Variants in TMCC1 observed in about 807,000 individuals in gnomAD.
TMCC1 encodes transmembrane and coiled-coil domain family 1.
In TMCC1, 15 loss-of-function variants were observed where a neutral mutation model predicts 52.4. That is an observed-to-expected ratio of 0.29 (90% CI 0.19 to 0.44). TMCC1 has a LOEUF of 0.44. TMCC1 is among the 20% of genes least tolerant of loss of function. The pLI is 1.00. For missense variants in TMCC1, 503 were observed against 806.0 expected (o/e 0.62, Z 4.55); for synonymous variants, 279 against 301.9 (o/e 0.92, Z 0.79).
At chr3:129,707,227 A>C (rs934416284) in intron 4 of TMCC1, among the ~76,000 whole-genome samples, 7 of 152,208 alleles carry the variant, frequency 4.6e-5, no homozygotes, top group Non-Finnish European at 7.3e-5. Context: ...GGGCTCAATA[A>C]ATATCTGTTG....
chr3:129,845,870 A>T (rs1434284515), intron 2 of TMCC1, among the ~76,000 whole-genome samples: 1 of 151,980 alleles, frequency 6.6e-6, no homozygotes, highest in Non-Finnish European at 1.5e-5. Flanking sequence ...TGTCTCTACA[A>T]AAAAAAATTT....
chr3:129,873,402 C>G (rs1243444550), intron 2 of TMCC1, among the ~76,000 whole-genome samples: 2 of 150,198 alleles, frequency 1.3e-5, no homozygotes, highest in Non-Finnish European at 3.0e-5. Context: ...CACAAGTTGG[C>G]CAGGTGTGGT....
At chr3:129,848,583 C>T (rs1419190880) in intron 2 of TMCC1, among the ~76,000 whole-genome samples, 1 of 152,206 alleles carries the variant, frequency 6.6e-6, no homozygotes, top group Non-Finnish European at 1.5e-5. Context: ...ACTGGCAAAA[C>T]CCCAATCCTG....
intron 4 of TMCC1, among the ~76,000 whole-genome samples, chr3:129,697,351 T>C (rs1008833561): frequency 2.0e-5 from 3 of 152,198 alleles, no homozygotes; most frequent in Non-Finnish European, 2.9e-5. Flanking sequence ...TGGCCCTTTT[T>C]AGTTAAGGGT....
chr3:129,883,128 A>G (rs1187611934), intron 1 of TMCC1, among the ~76,000 whole-genome samples: 1 of 134,378 alleles, frequency 7.4e-6, no homozygotes, highest in Non-Finnish European at 1.5e-5. Flanking sequence ...GCCTCTACTA[A>G]AAACACACAC....
intron 4 of TMCC1, among the ~76,000 whole-genome samples, chr3:129,713,615 C>T (rs2109001865): frequency 6.7e-6 from 1 of 149,700 alleles, no homozygotes. Context: ...ACTTGGAAGG[C>T]TGGAGGAGAA....
chr3:129,877,780 C>T (rs1036543766), intron 2 of TMCC1, among the ~76,000 whole-genome samples: 4 of 151,460 alleles, frequency 2.6e-5, no homozygotes, highest in Non-Finnish European at 1.5e-5. Context: ...AGGAATGTGC[C>T]ACCACGCACA....
intron 4 of TMCC1, among the ~76,000 whole-genome samples, chr3:129,780,389 TTC>T (rs1168147274): frequency 1.3e-5 from 2 of 152,004 alleles, no homozygotes; most frequent in Admixed American, 1.3e-4. Context: ...CATCTCTAAT[TTC>T]TCTTTGGCAT....
intron 4 of TMCC1, among the ~76,000 whole-genome samples, chr3:129,694,610 C>T (rs986947141): frequency 2.6e-5 from 4 of 152,136 alleles, no homozygotes; most frequent in African/African-American, 7.2e-5. Flanking sequence ...ACCAAGATGG[C>T]GATGAGAGTG....
intron 4 of TMCC1, among the ~76,000 whole-genome samples, chr3:129,771,901 T>A (rs546863451): frequency 6.6e-6 from 1 of 151,964 alleles, no homozygotes; most frequent in East Asian, 1.9e-4. Context: ...ACCTTAATTG[T>A]CTTGTCGGAA....
At chr3:129,892,925 G>C (rs555849462) in intron 1 of TMCC1, among the ~76,000 whole-genome samples, 1 of 152,290 alleles carries the variant, frequency 6.6e-6, no homozygotes, top group Non-Finnish European at 1.5e-5. Flanking sequence ...ACCAAGCCCA[G>C]CCAGCTCCTC....
intron 4 of TMCC1, among the ~76,000 whole-genome samples, chr3:129,702,137 T>C (rs1347018712): frequency 1.3e-5 from 2 of 152,130 alleles, no homozygotes; most frequent in African/African-American, 4.8e-5. Context: ...TTAATAAAGT[T>C]GGATAGGCAG....
rs189757112 is a variant in TMCC1 at position 129,831,108 on chromosome 3, T to C, written c.-131+1666A>G. Among the ~76,000 whole-genome samples, 35 of 152,258 alleles carry C rather than the reference T, an allele frequency of 2.3e-4. No homozygotes were observed. In the East Asian group the frequency reaches 3.7e-3, roughly 16 times the overall value. ...TGCCACCATGCACAGCTAATTTTTG[T>C]ATTTTTAGAGAGATACGGTTTCACC... On this transcript the variant is annotated intron_variant, in intron 3 of 6. Coordinates refer to ENST00000393238, the MANE Select transcript of TMCC1 (RefSeq NM_001017395.5).
intron 1 of TMCC1, among the ~76,000 whole-genome samples, chr3:129,892,007 C>T (rs2108023802): frequency 6.6e-6 from 1 of 152,322 alleles, no homozygotes; most frequent in African/African-American, 2.4e-5. Context: ...AGTCCTTCTG[C>T]AAGGTGTCCC....
At chr3:129,711,421 G>C (rs2048673502) in intron 4 of TMCC1, among the ~76,000 whole-genome samples, 1 of 152,076 alleles carries the variant, frequency 6.6e-6, no homozygotes, top group South Asian at 2.1e-4. Context: ...AGTACAACCA[G>C]AGATTAATAT....
At chr3:129,711,718 C>A (rs1299468719) in intron 4 of TMCC1, among the ~76,000 whole-genome samples, 1 of 149,142 alleles carries the variant, frequency 6.7e-6, no homozygotes, top group Non-Finnish European at 1.5e-5. Context: ...AGGCCAGGTG[C>A]GGTGGCTCAC....
chr3:129,792,355 TA>T (rs1311834420), intron 4 of TMCC1, among the ~76,000 whole-genome samples: 1 of 151,970 alleles, frequency 6.6e-6, no homozygotes, highest in Non-Finnish European at 1.5e-5. Flanking sequence ...TTTGCTGATA[TA>T]TTTTTTTTTA....
chr3:129,699,602 TTTCAC>T (rs1400676773), intron 4 of TMCC1, among the ~76,000 whole-genome samples: 7 of 152,228 alleles, frequency 4.6e-5, no homozygotes, highest in Non-Finnish European at 1.0e-4. Context: ...ATAAACTTGC[TTTCAC>T]TTTATGGATT....
chr3:129,672,674 C>T (rs1308308061), intron 4 of TMCC1, among the ~76,000 whole-genome samples: 2 of 152,120 alleles, frequency 1.3e-5, no homozygotes, highest in East Asian at 3.8e-4. Context: ...AAATAACCTT[C>T]TTAGGGTAAT....
Sources: allele counts gnomAD v4.1 joint callset (sites outside exome capture counted in the v4.1 genomes callset), GRCh38; gene constraint gnomAD v4.1.1; transcripts MANE v1.5; gene names NCBI Gene and HGNC (gene_info 2026-07-23, HGNC 2026-07-21).